Variants in MSL3 observed in about 807,000 individuals in gnomAD.
MSL3 encodes MSL complex subunit 3, also known as MSL3-like 1.
A neutral mutation model predicts 37.2 loss-of-function variants in MSL3; 5 were observed. The ratio of observed to expected loss-of-function variants is 0.13; its 90% CI spans 0.07 to 0.28. The LOEUF (loss-of-function observed/expected upper bound fraction) is 0.28, where lower values mean the gene tolerates loss of function less well. MSL3 is among the 10% of genes least tolerant of loss of function. The probability of loss-of-function intolerance (pLI) is 1.00; values close to 1 mark genes in which losing one functional copy is unlikely to be tolerated. For synonymous variants in MSL3, 149 were observed against 147.6 expected, an observed-to-expected ratio of 1.01 and a Z score of -0.07; for missense variants, 315 against 408.5, an observed-to-expected ratio of 0.77 and a Z score of 1.97.
At chrX:11,774,880 C>CA (rs1355500878) in intron 12 of MSL3, 100 bp from the exon 13 acceptor site, 14 of 589,588 alleles carry the variant, frequency 2.4e-5, no homozygotes, top group Non-Finnish European at 3.9e-5. Context: ...TTCCTAATAC[C>CA]AAAAAACAGT....
At chrX:11,766,541 C>A (rs2147248293) in intron 9 of MSL3, 1 of 754,484 alleles carries the variant, frequency 1.3e-6, no homozygotes, top group Non-Finnish European at 1.6e-6. Context: ...ACATTGAAGA[C>A]CTCATTCACA....
chrX:11,769,440 G>A, intron 10 of MSL3, among the ~76,000 whole-genome samples: 1 of 112,318 alleles, frequency 8.9e-6, no homozygotes, highest in East Asian at 2.8e-4. Flanking sequence ...TATTTTTAAG[G>A]CCCATTAGGT....
At chrX:11,764,172 T>G (rs2053159301) in intron 8 of MSL3, 4 of 284,608 alleles carry the variant, frequency 1.4e-5, no homozygotes, top group Non-Finnish European at 2.4e-5. Context: ...AGAACTTAGG[T>G]GGGATGATGA....
At chrX:11,762,777 G>A (rs779127547) in intron 6 of MSL3, 60 bp from the exon 7 acceptor site, 58 of 1,050,884 alleles carry the variant, frequency 5.5e-5, no homozygotes, top group Non-Finnish European at 7.2e-5. Flanking sequence ...AGTGTTTCTT[G>A]GAATATGTGG....
At chrX:11,770,680 A>G (rs913333830) in intron 10 of MSL3, among the ~76,000 whole-genome samples, 54 of 111,450 alleles carry the variant, frequency 4.8e-4, no homozygotes, top group African/African-American at 5.6e-4. Context: ...AGGTCCATCA[A>G]TGATTCCCAT....
At chrX:11,770,746 G>C (rs965047077) in intron 10 of MSL3, among the ~76,000 whole-genome samples, 1 of 112,310 alleles carries the variant, frequency 8.9e-6, no homozygotes, top group Non-Finnish European at 1.9e-5. Flanking sequence ...CCCGGAAAAT[G>C]TGTCTTCATA....
rs1452564593 is a variant in MSL3 at position 11,768,622 on chromosome X, C to A, written c.1221C>A (p.Ser407Arg). Reference sequence around the variant, plus strand: ...CTTCACCTATTCCTCTGACTCCTAGCAAGGAAGGGAGTGCTGTGTTTGCTG... The same window carrying A: ...CTTCACCTATTCCTCTGACTCCTAGAAAGGAAGGGAGTGCTGTGTTTGCTG... ...RSSSPIPLTP[S>R]KEGSAVFAGF... The change falls in exon 10 of 13, where the codon AGC becomes AGA. Residue 407 changes from serine to arginine, a missense_variant. Coordinates refer to ENST00000312196, the MANE Select transcript of MSL3 (RefSeq NM_078629.4). 1 of 1,208,349 alleles carries A rather than the reference C, an allele frequency of 8.3e-7. No homozygotes were observed. The highest frequency in any genetic ancestry group is 1.7e-5 in the African/African-American group (1 of 57,695).
At chrX:11,759,690 G>A in intron 1 of MSL3, 103 bp from the exon 2 acceptor site, 1 of 1,171,823 alleles carries the variant, frequency 8.5e-7, no homozygotes, top group Non-Finnish European at 1.1e-6. Context: ...TAAAAGAGGA[G>A]AGAATGCTTT....
In MSL3 at chrX:11,763,707, G is replaced by A. The variant is rs1425409179; in HGVS notation, c.750-73G>A. The stretch of plus-strand genomic sequence containing the variant: ...ATTTAAAACTGCCCTATTAAAAATC[G>A]GCAACTTCATTGTGAACATTTGGAA... On this transcript the variant is annotated intron_variant, in intron 7 of 12. Transcript: ENST00000312196. 8 of 942,498 alleles carry A rather than the reference G, an allele frequency of 8.5e-6. No homozygotes were observed. The East Asian group carries it at 1.6e-4, about 19-fold the overall frequency. 77.7% of individuals were successfully genotyped at this position (942,498 alleles called of 1,213,427 possible). A position where few individuals can be genotyped will look rare whatever the true frequency, so the allele number is the denominator to read the frequency against.
chrX:11,769,974 G>A (rs745967132), intron 10 of MSL3, among the ~76,000 whole-genome samples: 1 of 112,493 alleles, frequency 8.9e-6, no homozygotes, highest in Non-Finnish European at 1.9e-5. Context: ...ACTGTCTTCA[G>A]TAGTGTGTAC....
chrX:11,762,672 A>G (rs891955135), intron 6 of MSL3, among the ~76,000 whole-genome samples, 165 bp from the exon 7 acceptor site: 1 of 113,001 alleles, frequency 8.8e-6, no homozygotes, highest in Non-Finnish European at 1.9e-5. Flanking sequence ...TAGAGAAAAA[A>G]AGATCAAAGA....
Position 11,772,072 on chromosome X carries a change from G to A in MSL3, c.1282-84G>A, listed in dbSNP as rs1396146194. ...CAATCACTTATTTTTTCCCCTCTAC[G>A]TACAATTTACTGTCATAATTGTTAG... On this transcript the variant is annotated intron_variant, in intron 10 of 12. Coordinates refer to ENST00000312196, the MANE Select transcript of MSL3 (RefSeq NM_078629.4). 3.1e-5 allele frequency: 20 copies of A among 645,847 alleles called. No individual in the cohort carries two copies. Among genetic ancestry groups the A allele is most frequent in the Non-Finnish European group, 4.1e-5 (17 of 409,963 alleles). 53.2% of individuals were successfully genotyped at this position (645,847 alleles called of 1,213,427 possible).
At chrX:11,774,946 T>G in intron 12 of MSL3, 34 bp from the exon 13 acceptor site, 1 of 1,033,337 alleles carries the variant, frequency 9.7e-7, no homozygotes, top group Non-Finnish European at 1.4e-6. Flanking sequence ...TAGTCCTTAG[T>G]ATGGTGCTCA....
intron 9 of MSL3, chrX:11,767,516 G>A (rs2053194755): frequency 8.6e-6 from 1 of 116,431 alleles, no homozygotes; most frequent in African/African-American, 3.3e-5. Flanking sequence ...CAGCTACTTG[G>A]GAGGCTGCAG....
intron 8 of MSL3, among the ~76,000 whole-genome samples, chrX:11,764,683 G>A (rs186095217): frequency 2.7e-5 from 3 of 111,969 alleles, no homozygotes; most frequent in East Asian, 2.8e-4. Flanking sequence ...TTGCCTGCAC[G>A]TGAACTGATA....
chrX:11,773,225 A>G (rs912905799), intron 12 of MSL3, among the ~76,000 whole-genome samples: 3 of 111,817 alleles, frequency 2.7e-5, no homozygotes, highest in African/African-American at 9.8e-5. Context: ...CAGCTGACAA[A>G]GCCAGTCATT....
chrX:11,760,256 G>A (rs1182614958), intron 2 of MSL3, 147 bp from the exon 3 acceptor site: 1 of 413,047 alleles, frequency 2.4e-6, no homozygotes, highest in Non-Finnish European at 4.1e-6. Context: ...TACTTTTTCA[G>A]TTTATTTGCC....
chrX:11,772,835 G>T, intron 12 of MSL3, 130 bp downstream of exon 12: 1 of 375,155 alleles, frequency 2.7e-6, no homozygotes, highest in South Asian at 6.8e-5. Flanking sequence ...AAGCATGGTT[G>T]GTTCTAACCG....
In MSL3 at chrX:11,763,914, A is replaced by C. The variant is rs757722434; in HGVS notation, c.884A>C (p.Lys295Thr). Residue 295 changes from lysine (K) to threonine (T), a missense_variant, in exon 8 of 13, where the codon AAG becomes ACG. Transcript: ENST00000312196. ...VTSSKFFLPI[K>T]ESATSTNRSQ... ...TCGTCTAAATTTTTTCTTCCAATTA[A>C]GGAAAGTGCCACAAGCACTAACAGG... The C allele has an allele frequency of 8.3e-7, 1 of 1,209,678 alleles. No homozygotes were observed. The highest frequency in any genetic ancestry group is 1.1e-6 in the Non-Finnish European group (1 of 894,161).
Sources: allele counts gnomAD v4.1 joint callset (sites outside exome capture counted in the v4.1 genomes callset), GRCh38; gene constraint gnomAD v4.1.1; transcripts MANE v1.5; gene names NCBI Gene and HGNC (gene_info 2026-07-23, HGNC 2026-07-21).